DEFA5: variants seen among roughly 807,000 people sequenced by gnomAD.
DEFA5 encodes defensin alpha 5, also known as HD5(20-94).
DEFA5 carries 11 observed loss-of-function variants against 8.7 expected under a neutral mutation model. That is an observed-to-expected ratio of 1.26 (90% CI 0.80 to 2.09). The LOEUF (loss-of-function observed/expected upper bound fraction) is 2.09, where lower values mean the gene tolerates loss of function less well. Among genes scored for constraint, DEFA5 ranks in the 30% most tolerant of loss-of-function variants. The pLI is 0.00. For missense variants in DEFA5, 181 were observed against 117.2 expected, an observed-to-expected ratio of 1.54 and a Z score of -2.52; for synonymous variants, 52 against 43.9, an observed-to-expected ratio of 1.18 and a Z score of -0.73.
intron 1 of DEFA5, among the ~76,000 whole-genome samples, chr8:7,056,043 A>C (rs1377541144): frequency 2.3e-5 from 2 of 85,476 alleles, no homozygotes; most frequent in Non-Finnish European, 4.8e-5. Flanking sequence ...TTTTTTTAAC[A>C]TTTTACATAT....
At position 7,056,632 on chromosome 8, in the gene DEFA5, G is replaced by A. The variant is rs1812442420; in HGVS notation, c.66C>T (p.Leu22=). The change falls in exon 1 of 2, where the codon CTC becomes CTT. Residue 22 remains leucine, a synonymous_variant. Coordinates refer to ENST00000330590, the MANE Select transcript of DEFA5 (RefSeq NM_021010.3). Reference sequence around the variant, plus strand: ...TTGTAGCCTCATCAGCTCTTTCCTGGAGTGACTCAGCCTGGGCCTGCAGGG... The same window carrying A: ...TTGTAGCCTCATCAGCTCTTTCCTGAAGTGACTCAGCCTGGGCCTGCAGGG... The part of the protein sequence containing the change: ...LVALQAQAES[L]QERADEATTQ... The A allele has an allele frequency of 6.2e-7, 1 of 1,613,990 alleles. No homozygotes were observed. Among genetic ancestry groups the A allele is most frequent in the South Asian group, 1.1e-5 (1 of 91,068 alleles).
intron 1 of DEFA5, among the ~76,000 whole-genome samples, chr8:7,056,090 T>G (rs148981090): frequency 1.3e-5 from 2 of 151,240 alleles, no homozygotes; most frequent in East Asian, 2.0e-4. Flanking sequence ...ATTGTGTATA[T>G]GTATGAGACA....
At chr8:7,056,406 G>T in intron 1 of DEFA5, 120 bp downstream of exon 1, 1 of 1,036,642 alleles carries the variant, frequency 9.6e-7, no homozygotes, top group Non-Finnish European at 1.4e-6. Context: ...GAAAATCAAG[G>T]TCCAGGAAGA....
intron 1 of DEFA5, among the ~76,000 whole-genome samples, chr8:7,056,224 A>G (rs1239426156): frequency 6.6e-6 from 1 of 152,120 alleles, no homozygotes; most frequent in Non-Finnish European, 1.5e-5. Context: ...GACAAAGTAA[A>G]ACACTCTCTA....
At chr8:7,056,489 C>A (rs1235398342) in intron 1 of DEFA5, 37 bp downstream of exon 1, 6 of 1,557,722 alleles carry the variant, frequency 3.9e-6, no homozygotes, top group South Asian at 1.2e-5. Context: ...TCCTTTTTTT[C>A]TAGATTTTGC....
chr8:7,055,529 C>T lies in DEFA5; in HGVS notation c.187G>A (p.Ala63Thr). 6.2e-7 allele frequency: 1 copy of T among 1,612,050 alleles called. No individual in the cohort carries two copies. Among genetic ancestry groups the T allele is most frequent in the Non-Finnish European group, 8.5e-7 (1 of 1,178,980 alleles). Residue 63 changes from alanine to threonine, a missense_variant, in exon 2 of 2, where the codon GCC (alanine) becomes ACC (threonine). Ala to Thr is a moderately conservative substitution (Grantham distance 58, BLOSUM62 0). Transcript: ENST00000330590. ...ALRTSGSQAR[A>T]TCYCRTGRCA... ...CGGCCGGTTCGGCAATAGCAGGTGG[C>T]TCTTGCCTGAGAACCTGTGGAAAGA...
At position 7,055,395 on chromosome 8, in the gene DEFA5, TGAA is replaced by T. The variant is rs752558970; in HGVS notation, c.*33_*35del. On this transcript the variant is annotated 3_prime_UTR_variant, in exon 2 of 2. Transcript: ENST00000330590. The stretch of plus-strand genomic sequence containing the variant: ...TTTTTCTTTTTTCAGGACCTTGAAC[TGAA>T]TCTTGCACTGCTTTGGTTTCTATCT... 2 of 1,533,718 alleles carry T rather than the reference TGAA, an allele frequency of 1.3e-6. No homozygotes were observed. The highest frequency in any genetic ancestry group is 2.3e-5 in the South Asian group (2 of 88,390).
At chr8:7,055,706 T>C (rs1812399081) in intron 1 of DEFA5, among the ~76,000 whole-genome samples, 163 bp from the exon 2 acceptor site, 1 of 152,194 alleles carries the variant, frequency 6.6e-6, no homozygotes, top group Non-Finnish European at 1.5e-5. Context: ...TTACTAGCTA[T>C]GTGTTAGTCA....
chr8:7,055,592 G>T lies in DEFA5; in HGVS notation c.173-49C>A, dbSNP rs1394970621. Reference sequence around the variant, plus strand: ...GCACAGCGAGGGAGGTGGGAAAAAGGACAAGCACAGCCAGACTAACTGAGA... The same window carrying T: ...GCACAGCGAGGGAGGTGGGAAAAAGTACAAGCACAGCCAGACTAACTGAGA... On this transcript the variant is annotated intron_variant, in intron 1 of 1. Transcript: ENST00000330590. 3.2e-6 allele frequency: 4 copies of T among 1,257,714 alleles called. No individual in the cohort carries two copies. In the South Asian group the frequency reaches 3.8e-5, roughly 12 times the overall value. 77.9% of individuals were successfully genotyped at this position (1,257,714 alleles called of 1,614,324 possible). A position where few individuals can be genotyped will look rare whatever the true frequency, so the allele number is the denominator to read the frequency against.
At chr8:7,056,409 C>T in intron 1 of DEFA5, 117 bp downstream of exon 1, 7 of 1,064,576 alleles carry the variant, frequency 6.6e-6, no homozygotes, top group Non-Finnish European at 7.9e-6. Context: ...AATCAAGGTC[C>T]AGGAAGATTA....
Position 7,055,358 on chromosome 8 carries a change from C to G in DEFA5, c.*73G>C, listed in dbSNP as rs55819910. ...GAAATTTAGAAAGACACAAGGTACA[C>G]AGAGTAAAATGTTTTTCTTTTTTCA... On this transcript the variant is annotated 3_prime_UTR_variant, in exon 2 of 2. Transcript: ENST00000330590. 241 of 1,093,078 alleles carry G rather than the reference C, an allele frequency of 2.2e-4. 1 individual carries two copies. The South Asian group carries it at 3.0e-3, about 14-fold the overall frequency. 67.7% of individuals were successfully genotyped at this position (1,093,078 alleles called of 1,614,324 possible).
Position 7,056,701 on chromosome 8 carries a change from T to C in DEFA5, c.-4A>G. 6.2e-7 allele frequency: 1 copy of C among 1,607,024 alleles called. No individual in the cohort carries two copies. ...CAAGGATGGCGATGGTCCTCATGGC[T>C]GGGGTCACCTGCAGGAGGGAGAGCA... is the stretch of plus-strand genomic sequence containing the variant. On this transcript the variant is annotated 5_prime_UTR_variant, in exon 1 of 2. Coordinates refer to ENST00000330590, the MANE Select transcript of DEFA5 (RefSeq NM_021010.3).
At chr8:7,055,601 A>G (rs1331148902) in intron 1 of DEFA5, 58 bp from the exon 2 acceptor site, 1 of 1,138,512 alleles carries the variant, frequency 8.8e-7, no homozygotes. Flanking sequence ...GGACAAGCAC[A>G]GCCAGACTAA....
rs543527918 is a variant in DEFA5, at chr8:7,056,738, G to A, written c.-41C>T. On this transcript the variant is annotated 5_prime_UTR_variant, in exon 1 of 2. Coordinates refer to ENST00000330590, the MANE Select transcript of DEFA5 (RefSeq NM_021010.3). ...CAGGAGGGAGAGCAGGAGTGGATAT[G>A]TGGGGAGTGAGGAGTCAGCCTGGAT... 1.3e-6 allele frequency: 2 copies of A among 1,568,808 alleles called. No individual in the cohort carries two copies. The highest frequency in any genetic ancestry group is 4.5e-5 in the East Asian group (2 of 44,208).
At position 7,056,589 on chromosome 8, in the gene DEFA5, C is replaced by T. The variant is rs868009698; in HGVS notation, c.109G>A (p.Glu37Lys). ...GAGATAGCAAGGTCCTGGTTGTCTTCCCCAGACTGCTTCTGGGTTGTAGCC... is the reference window on the plus strand; with the variant it reads ...GAGATAGCAAGGTCCTGGTTGTCTTTCCCAGACTGCTTCTGGGTTGTAGCC... ...DEATTQKQSG[E>K]DNQDLAISFA... is the part of the protein sequence containing the mutation. Residue 37 changes from glutamate (E) to lysine (K), a missense_variant, in exon 1 of 2, where the codon GAA (glutamate) becomes AAA (lysine). Glu to Lys is a moderately conservative substitution (Grantham distance 56). Coordinates refer to ENST00000330590, the MANE Select transcript of DEFA5 (RefSeq NM_021010.3). 6.2e-7 allele frequency: 1 copy of T among 1,614,124 alleles called. No individual in the cohort carries two copies. The highest frequency in any genetic ancestry group is 2.2e-5 in the East Asian group (1 of 44,880).
rs1366387015 is a variant in DEFA5, at chr8:7,055,369, G to A, written c.*62C>T. 30 of 1,267,902 alleles carry A rather than the reference G, an allele frequency of 2.4e-5. No individual in the cohort carries two copies. In the East Asian group the frequency reaches 6.8e-4, roughly 29 times the overall value. The allele number at this position is 1,267,902 out of a possible 1,614,324, so 78.5% of individuals were successfully genotyped here. ...AGACACAAGGTACACAGAGTAAAATGTTTTTCTTTTTTCAGGACCTTGAAC... is the reference window on the plus strand; with the variant it reads ...AGACACAAGGTACACAGAGTAAAATATTTTTCTTTTTTCAGGACCTTGAAC... On this transcript the variant is annotated 3_prime_UTR_variant, in exon 2 of 2. Coordinates refer to ENST00000330590, the MANE Select transcript of DEFA5 (RefSeq NM_021010.3).
rs745711197 is a variant in DEFA5, at chr8:7,056,609, G to C, written c.89C>G (p.Thr30Arg). 1 of 1,614,074 alleles carries C rather than the reference G, an allele frequency of 6.2e-7. No homozygotes were observed. Among genetic ancestry groups the C allele is most frequent in the East Asian group, 2.2e-5 (1 of 44,902 alleles). ...GTCTTCCCCAGACTGCTTCTGGGTTGTAGCCTCATCAGCTCTTTCCTGGAG... is the reference window on the plus strand; with the variant it reads ...GTCTTCCCCAGACTGCTTCTGGGTTCTAGCCTCATCAGCTCTTTCCTGGAG... ...ESLQERADEA[T>R]TQKQSGEDNQ... Residue 30 changes from threonine (T) to arginine (R), a missense_variant, in exon 1 of 2, where the codon ACA (threonine) becomes AGA (arginine). Coordinates refer to ENST00000330590, the MANE Select transcript of DEFA5 (RefSeq NM_021010.3).
Position 7,056,566 on chromosome 8 carries a change from G to C in DEFA5, c.132C>G (p.Ile44Met), listed in dbSNP as rs1812438679. 6 of 1,613,738 alleles carry C rather than the reference G, an allele frequency of 3.7e-6. No individual in the cohort carries two copies. The highest frequency in any genetic ancestry group is 1.3e-5 in the African/African-American group (1 of 74,930). ...QSGEDNQDLA[I>M]SFAGNGLSAL... ...CAGAGAGTCCATTTCCTGCAAAGGA[G>C]ATAGCAAGGTCCTGGTTGTCTTCCC... The change falls in exon 1 of 2, where the codon ATC (isoleucine) becomes ATG (methionine). Residue 44 changes from isoleucine (I) to methionine (M), a missense_variant. Physicochemically the swap from Ile to Met is conservative, Grantham distance 10. Transcript: ENST00000330590.
intron 1 of DEFA5, among the ~76,000 whole-genome samples, chr8:7,056,014 C>CTT (rs56220551): frequency 0.02 from 2,290 of 112,574 alleles, 20 homozygotes; most frequent in East Asian, 0.054. Context: ...TCTGTCTCTC[C>CTT]TTTTTTTTTT....
Sources: gnomAD v4.1 joint callset for allele counts (sites outside exome capture counted in the v4.1 genomes callset) on GRCh38, gnomAD v4.1.1 for gene constraint, MANE v1.5 for transcripts, NCBI Gene and HGNC (gene_info 2026-07-23, HGNC 2026-07-21) for gene names.